Variants in MACROD2 observed in about 807,000 individuals in gnomAD.
MACROD2 encodes the protein mono-ADP ribosylhydrolase 2.
Under a neutral mutation model 70.4 loss-of-function variants are expected in MACROD2, and 36 were observed. The observed-to-expected ratio is 0.51, with a 90% confidence interval of 0.39 to 0.68. MACROD2 has a LOEUF of 0.68. Among genes scored for constraint, MACROD2 ranks in the 30% least tolerant of loss-of-function variants. The probability of loss-of-function intolerance (pLI) is 0.00; values close to 1 mark genes in which losing one functional copy is unlikely to be tolerated. For missense variants in MACROD2, 496 were observed against 538.4 expected (o/e 0.92, Z 0.78); for synonymous variants, 172 against 178.8 (o/e 0.96, Z 0.30).
At chr20:14,298,700 T>C (rs149691240) in intron 3 of MACROD2, among the ~76,000 whole-genome samples, 3 of 151,446 alleles carry the variant, frequency 2.0e-5, no homozygotes, top group African/African-American at 7.3e-5. Context: ...ATAAGAACAT[T>C]TGTGACTCAT....
At chr20:14,235,062 T>C (rs1186799215) in intron 3 of MACROD2, among the ~76,000 whole-genome samples, 3 of 152,128 alleles carry the variant, frequency 2.0e-5, no homozygotes, top group African/African-American at 7.2e-5. Flanking sequence ...TAGGTGGTAA[T>C]TGGAAGTTGG....
chr20:14,852,259 A>G (rs2122317962), intron 5 of MACROD2, among the ~76,000 whole-genome samples: 1 of 152,252 alleles, frequency 6.6e-6, no homozygotes, highest in South Asian at 2.1e-4. Context: ...GCAGAAAATC[A>G]AAGAGGCCCC....
chr20:15,588,038 G>T (rs1193643509), intron 8 of MACROD2, among the ~76,000 whole-genome samples: 1 of 152,204 alleles, frequency 6.6e-6, no homozygotes, highest in Non-Finnish European at 1.5e-5. Context: ...GGTTCTCCAT[G>T]AGGGCCCTGC....
chr20:14,958,845 G>C (rs940660418), intron 5 of MACROD2, among the ~76,000 whole-genome samples: 3 of 152,196 alleles, frequency 2.0e-5, no homozygotes, highest in South Asian at 2.1e-4. Flanking sequence ...GATCAGGTAG[G>C]CTTGGGGTGG....
At chr20:15,483,606 G>T (rs2047126904) in intron 7 of MACROD2, among the ~76,000 whole-genome samples, 1 of 152,106 alleles carries the variant, frequency 6.6e-6, no homozygotes, top group African/African-American at 2.4e-5. Context: ...TCTGGGTTGG[G>T]ATTGCATTGA....
At chr20:14,464,731 T>G (rs1053683320) in intron 3 of MACROD2, among the ~76,000 whole-genome samples, 1 of 152,116 alleles carries the variant, frequency 6.6e-6, no homozygotes, top group African/African-American at 2.4e-5. Context: ...TCTGGTATGT[T>G]GTGTCTTTGT....
chr20:15,438,953 T>C (rs866956918), intron 7 of MACROD2, among the ~76,000 whole-genome samples: 2 of 152,224 alleles, frequency 1.3e-5, no homozygotes, highest in South Asian at 2.1e-4. Flanking sequence ...ATTTCTATTC[T>C]AGGAAAAACA....
At chr20:15,978,582 G>GTCTC (rs59205516) in intron 13 of MACROD2, among the ~76,000 whole-genome samples, 22,547 of 146,270 alleles carry the variant, frequency 0.15, 1,957 homozygotes, top group East Asian at 0.26. Flanking sequence ...CTGACCTTGG[G>GTCTC]TCTCTCTCTC....
chr20:15,802,534 A>G (rs1002597865), intron 8 of MACROD2, among the ~76,000 whole-genome samples: 2 of 149,534 alleles, frequency 1.3e-5, no homozygotes, highest in East Asian at 3.8e-4. Flanking sequence ...CCTGGGATAA[A>G]TATCACTTGA....
chr20:14,233,940 G>A (rs1474093035), intron 3 of MACROD2, among the ~76,000 whole-genome samples: 1 of 152,068 alleles, frequency 6.6e-6, no homozygotes, highest in Non-Finnish European at 1.5e-5. Flanking sequence ...GGCAGTTTTA[G>A]GGCCGTGAAA....
At chr20:15,135,302 G>A (rs890644373) in intron 5 of MACROD2, among the ~76,000 whole-genome samples, 3 of 151,520 alleles carry the variant, frequency 2.0e-5, no homozygotes, top group Admixed American at 2.0e-4. Flanking sequence ...GAACATTGAT[G>A]CAAAAATCCT....
intron 4 of MACROD2, among the ~76,000 whole-genome samples, chr20:14,583,373 G>T (rs1212423319): frequency 2.0e-5 from 3 of 152,156 alleles, no homozygotes; most frequent in African/African-American, 7.2e-5. Context: ...CATCATTTAG[G>T]TGGGCAACCC....
intron 3 of MACROD2, among the ~76,000 whole-genome samples, chr20:14,395,945 G>A (rs2083575641): frequency 6.6e-6 from 1 of 152,136 alleles, no homozygotes; most frequent in African/African-American, 2.4e-5. Context: ...TTTAGAGACA[G>A]GGTATCTCTA....
chr20:14,913,247 G>A (rs930050294), intron 5 of MACROD2, among the ~76,000 whole-genome samples: 2 of 152,154 alleles, frequency 1.3e-5, no homozygotes, highest in Non-Finnish European at 2.9e-5. Context: ...TACCTGCCAT[G>A]TGTTTGTCTC....
At chr20:15,964,431 T>A (rs1447001462) in intron 12 of MACROD2, among the ~76,000 whole-genome samples, 1 of 152,112 alleles carries the variant, frequency 6.6e-6, no homozygotes, top group African/African-American at 2.4e-5. Context: ...GGGACCTTTT[T>A]AAATCTTTTT....
intron 5 of MACROD2, among the ~76,000 whole-genome samples, chr20:15,052,850 G>A (rs191013268): frequency 6.6e-6 from 1 of 152,320 alleles, no homozygotes; most frequent in East Asian, 1.9e-4. Flanking sequence ...AAATAGCCAA[G>A]TTGTAAATGC....
At chr20:15,218,106 T>G (rs73260711) in intron 5 of MACROD2, among the ~76,000 whole-genome samples, 4,414 of 152,324 alleles carry the variant, frequency 0.029, 131 homozygotes, top group Middle Eastern at 0.068. Flanking sequence ...TCTTTTACTC[T>G]TAACTAACAC....
At chr20:15,698,590 T>G (rs1040117053) in intron 8 of MACROD2, among the ~76,000 whole-genome samples, 4 of 152,158 alleles carry the variant, frequency 2.6e-5, no homozygotes, top group African/African-American at 9.7e-5. Context: ...CCAGGTGTTC[T>G]TTGTGCTTCT....
chr20:14,828,528 G>C (rs143092703), intron 5 of MACROD2, among the ~76,000 whole-genome samples: 1 of 152,118 alleles, frequency 6.6e-6, no homozygotes, highest in Admixed American at 6.6e-5. Flanking sequence ...AGAGACAGCA[G>C]TGGTAGGAGA....
Sources: allele counts gnomAD v4.1 joint callset (sites outside exome capture counted in the v4.1 genomes callset), GRCh38; gene constraint gnomAD v4.1.1; transcripts MANE v1.5; gene names NCBI Gene and HGNC (gene_info 2026-07-23, HGNC 2026-07-21).